Variants in TBCK observed in about 807,000 individuals in gnomAD.
TBCK encodes the protein TBC1 domain containing kinase, also known as TBC domain-containing protein kinase-like protein.
A neutral mutation model predicts 113.4 loss-of-function variants in TBCK; 99 were observed. The observed-to-expected ratio is 0.87, with a 90% confidence interval of 0.74 to 1.03. The LOEUF is 1.03. Ranked by LOEUF, TBCK falls within the 50% of genes least tolerant of loss-of-function variation. The pLI, the probability that TBCK is intolerant of heterozygous loss-of-function variation, is 0.00. For missense variants in TBCK, 1,045 were observed against 1,061.3 expected (o/e 0.98, Z 0.21); for synonymous variants, 369 against 370.8 (o/e 1.00, Z 0.05).
At chr4:106,293,740 C>T (rs898178925) in intron 3 of TBCK, among the ~76,000 whole-genome samples, 20 of 152,254 alleles carry the variant, frequency 1.3e-4, no homozygotes, top group African/African-American at 4.8e-4. Flanking sequence ...AAGATAAATG[C>T]TTTTCTTCCC....
In TBCK at chr4:106,295,179, A is replaced by C. The variant is rs1389981538; in HGVS notation, c.194-13T>G. The C allele has an allele frequency of 6.2e-7, 1 of 1,608,922 alleles. No individual in the cohort carries two copies. Among genetic ancestry groups the C allele is most frequent in the Admixed American group, 1.7e-5 (1 of 58,346 alleles). On this transcript the variant is annotated splice_polypyrimidine_tract_variant and intron_variant, in intron 2 of 25. Coordinates refer to ENST00000394708, the MANE Select transcript of TBCK (RefSeq NM_001163435.3). ...ACCACTAGTCGTTCTGAGAAAAACA[A>C]AGCAAACCCATGTTATATTTTATCA... is the stretch of plus-strand genomic sequence containing the variant.
intron 3 of TBCK, among the ~76,000 whole-genome samples, chr4:106,271,877 T>C (rs180850716): frequency 5.9e-5 from 9 of 152,272 alleles, no homozygotes; most frequent in Admixed American, 5.9e-4. Context: ...TTTAAGAACC[T>C]TTCATCAAAA....
chr4:106,065,455 TCATTTTAA>T (rs1165657720), intron 25 of TBCK, among the ~76,000 whole-genome samples: 1 of 152,056 alleles, frequency 6.6e-6, no homozygotes, highest in Non-Finnish European at 1.5e-5. Flanking sequence ...GCCGTGTTTT[TCATTTTAA>T]ATGTGACACA....
At chr4:106,303,167 G>A (rs953892382) in intron 2 of TBCK, among the ~76,000 whole-genome samples, 1 of 152,180 alleles carries the variant, frequency 6.6e-6, no homozygotes, top group East Asian at 1.9e-4. Flanking sequence ...GGCCCTGACT[G>A]TGGGTCTCCT....
chr4:106,271,763 A>C (rs913913126), intron 3 of TBCK, among the ~76,000 whole-genome samples: 5 of 151,912 alleles, frequency 3.3e-5, no homozygotes, highest in Admixed American at 6.6e-5. Flanking sequence ...AAAAAAAAAA[A>C]AAACAAAACA....
chr4:106,135,239 A>C (rs1009703800), intron 23 of TBCK, among the ~76,000 whole-genome samples: 3 of 151,426 alleles, frequency 2.0e-5, no homozygotes, highest in Admixed American at 2.0e-4. Flanking sequence ...TAGATATTTT[A>C]TATATAATAA....
chr4:106,158,017 T>G (rs1690866306), intron 23 of TBCK, among the ~76,000 whole-genome samples: 1 of 152,172 alleles, frequency 6.6e-6, no homozygotes, highest in African/African-American at 2.4e-5. Flanking sequence ...GAACGAAATC[T>G]AATTTCTGTG....
intron 25 of TBCK, among the ~76,000 whole-genome samples, chr4:106,069,881 T>C (rs1737157411): frequency 6.6e-6 from 1 of 152,212 alleles, no homozygotes; most frequent in Non-Finnish European, 1.5e-5. Context: ...GTTGGATTCC[T>C]AGGTATTTCA....
intron 23 of TBCK, among the ~76,000 whole-genome samples, chr4:106,156,174 C>T (rs905193672): frequency 5.3e-5 from 8 of 152,110 alleles, no homozygotes; most frequent in African/African-American, 1.9e-4. Flanking sequence ...ATCCAGAATT[C>T]TCTGCAGAGA....
At chr4:106,061,401 T>C (rs982765123) in intron 25 of TBCK, among the ~76,000 whole-genome samples, 2 of 151,396 alleles carry the variant, frequency 1.3e-5, no homozygotes, top group Non-Finnish European at 3.0e-5. Flanking sequence ...AGTGAAAAGA[T>C]TATGATTTAG....
chr4:106,303,870 C>T (rs1767221284), intron 2 of TBCK, among the ~76,000 whole-genome samples: 1 of 152,124 alleles, frequency 6.6e-6, no homozygotes, highest in Non-Finnish European at 1.5e-5. Flanking sequence ...GTTTTCGTGT[C>T]CTCTGCTCCA....
chr4:106,109,920 T>C (rs28866820), intron 24 of TBCK, among the ~76,000 whole-genome samples: 30,241 of 152,080 alleles, frequency 0.2, 3,415 homozygotes, highest in South Asian at 0.27. Flanking sequence ...ATAAAAGCTT[T>C]GGAAAAGCAT....
chr4:106,166,200 A>G (rs1410109293), intron 23 of TBCK, among the ~76,000 whole-genome samples: 1 of 151,758 alleles, frequency 6.6e-6, no homozygotes, highest in Non-Finnish European at 1.5e-5. Flanking sequence ...AATATTAAAA[A>G]TGTAGACATT....
At chr4:106,081,661 TG>T (rs147942924) in intron 25 of TBCK, among the ~76,000 whole-genome samples, 11,649 of 152,208 alleles carry the variant, frequency 0.077, 509 homozygotes, top group Middle Eastern at 0.18. Context: ...GTATGTAACC[TG>T]GAACTTAATC....
chr4:106,240,627 A>G (rs1759998730), intron 12 of TBCK, among the ~76,000 whole-genome samples: 1 of 151,988 alleles, frequency 6.6e-6, no homozygotes, highest in African/African-American at 2.4e-5. Context: ...TTACTACATG[A>G]AAAAATATTA....
intron 19 of TBCK, among the ~76,000 whole-genome samples, chr4:106,220,191 C>T (rs561934538): frequency 1.6e-4 from 25 of 152,128 alleles, no homozygotes; most frequent in African/African-American, 5.1e-4. Context: ...TGGGAGGGAC[C>T]GGGGTGTGGT....
intron 20 of TBCK, 61 bp downstream of exon 20, chr4:106,212,689 T>G (rs1314531243): frequency 1.6e-6 from 2 of 1,218,870 alleles, no homozygotes; most frequent in Non-Finnish European, 2.4e-6. Context: ...CACTCTTCTG[T>G]GCTAATAATT....
chr4:106,182,602 C>T (rs913521695), intron 22 of TBCK: 3 of 151,998 alleles, frequency 2.0e-5, no homozygotes, highest in African/African-American at 7.3e-5. Flanking sequence ...TTGTTGAAGG[C>T]CTTTTCTGCA....
At chr4:106,316,400 A>T, upstream of TBCK, 1 of 731,568 alleles carries the variant, frequency 1.4e-6, no homozygotes, top group South Asian at 1.7e-5. Context: ...ATGGAAGACG[A>T]GGAGCGTGGT....
Sources: gnomAD v4.1 joint callset for allele counts (sites outside exome capture counted in the v4.1 genomes callset) on GRCh38, gnomAD v4.1.1 for gene constraint, MANE v1.5 for transcripts, NCBI Gene and HGNC (gene_info 2026-07-23, HGNC 2026-07-21) for gene names.